PREX2: variants seen among roughly 807,000 people sequenced by gnomAD.
PREX2 encodes phosphatidylinositol 3,4,5-trisphosphate-dependent Rac exchanger 2 protein.
In PREX2, 107 loss-of-function variants were observed where a neutral mutation model predicts 203.2. That is an observed-to-expected ratio of 0.53 (90% CI 0.45 to 0.62). The LOEUF (loss-of-function observed/expected upper bound fraction) is 0.62. Ranked by LOEUF, PREX2 falls within the 20% of genes least tolerant of loss-of-function variation. PREX2 has a pLI of 0.00. For synonymous variants in PREX2, 672 were observed against 663.6 expected (o/e 1.01, Z -0.19); for missense variants, 1,777 against 1,955.9 (o/e 0.91, Z 1.72).
Position 68,223,884 on chromosome 8 carries a change from C to T in PREX2, c.4708-675C>T, listed in dbSNP as rs541399363. ...AAATACTAGTAAACTTAATGATTCACGTAAGAGAAAAACAAGTGCACAGGT... is the reference window on the plus strand; with the variant it reads ...AAATACTAGTAAACTTAATGATTCATGTAAGAGAAAAACAAGTGCACAGGT... On this transcript the variant is annotated intron_variant, in intron 38 of 39. Transcript: ENST00000288368. Among the ~76,000 whole-genome samples the T allele has an allele frequency of 3.9e-5, 6 of 152,170 alleles. No individual in the cohort carries two copies. The South Asian group carries it at 1.0e-3, about 26-fold the overall frequency.
At chr8:68,025,544 A>G (rs950351849) in intron 4 of PREX2, among the ~76,000 whole-genome samples, 1 of 151,882 alleles carries the variant, frequency 6.6e-6, no homozygotes, top group African/African-American at 2.4e-5. Context: ...TTAATTTTTC[A>G]TCAAATCTGG....
chr8:68,007,963 G>A (rs1019399057), intron 1 of PREX2, among the ~76,000 whole-genome samples: 2 of 152,154 alleles, frequency 1.3e-5, no homozygotes, highest in African/African-American at 4.8e-5. Context: ...GTCTATAGGA[G>A]TAGATACCAT....
intron 1 of PREX2, among the ~76,000 whole-genome samples, chr8:68,012,235 A>C (rs1363476660): frequency 6.6e-6 from 1 of 152,174 alleles, no homozygotes; most frequent in Non-Finnish European, 1.5e-5. Flanking sequence ...ACAATGTGGT[A>C]ATTATCGTCA....
At chr8:68,103,579 G>A (rs766217513) in intron 23 of PREX2, 2 of 519,010 alleles carry the variant, frequency 3.9e-6, no homozygotes, top group Non-Finnish European at 7.7e-6. Context: ...GGAAAAGGCT[G>A]TCTATACCTG....
chr8:68,019,899 G>C (rs556268330), intron 3 of PREX2, among the ~76,000 whole-genome samples: 3 of 152,304 alleles, frequency 2.0e-5, no homozygotes, highest in African/African-American at 7.2e-5. Flanking sequence ...TCCCCGACAA[G>C]TTAGTTCTTC....
intron 30 of PREX2, among the ~76,000 whole-genome samples, chr8:68,122,660 C>A (rs1810800534): frequency 6.6e-6 from 1 of 151,902 alleles, no homozygotes; most frequent in South Asian, 2.1e-4. Flanking sequence ...ATCATCTCCC[C>A]CACTTTTTTG....
chr8:68,220,196 A>G (rs1812928096), intron 38 of PREX2: 1 of 151,974 alleles, frequency 6.6e-6, no homozygotes, highest in Non-Finnish European at 1.5e-5. Flanking sequence ...TATACTTTTC[A>G]TACAGTTGTT....
chr8:68,150,815 A>G (rs911902424), intron 34 of PREX2, among the ~76,000 whole-genome samples: 12 of 152,210 alleles, frequency 7.9e-5, no homozygotes, highest in African/African-American at 2.7e-4. Flanking sequence ...TTAAAACAAC[A>G]GAAATGTATT....
At chr8:68,041,201 G>T (rs1050535451) in intron 7 of PREX2, among the ~76,000 whole-genome samples, 2 of 152,098 alleles carry the variant, frequency 1.3e-5, no homozygotes, top group Non-Finnish European at 2.9e-5. Flanking sequence ...TTTATTCCAG[G>T]TTCAGCATTT....
At chr8:68,006,351 T>C (rs1390509816) in intron 1 of PREX2, among the ~76,000 whole-genome samples, 1 of 152,266 alleles carries the variant, frequency 6.6e-6, no homozygotes, top group African/African-American at 2.4e-5. Flanking sequence ...AATTAGATTC[T>C]ATCCTCAGTC....
At chr8:68,127,988 A>G (rs183900809) in intron 31 of PREX2, among the ~76,000 whole-genome samples, 1 of 152,306 alleles carries the variant, frequency 6.6e-6, no homozygotes, top group East Asian at 1.9e-4. Flanking sequence ...GCATATAGAT[A>G]TTCAACAAAT....
At chr8:67,980,389 G>A (rs937188965) in intron 1 of PREX2, among the ~76,000 whole-genome samples, 4 of 141,518 alleles carry the variant, frequency 2.8e-5, no homozygotes, top group African/African-American at 9.7e-5. Context: ...GTAGACTTTT[G>A]AGCAGCACAA....
chr8:68,102,300 T>C (rs1218985690), intron 23 of PREX2, among the ~76,000 whole-genome samples: 5 of 152,322 alleles, frequency 3.3e-5, no homozygotes, highest in African/African-American at 1.2e-4. Flanking sequence ...TTTAATTTAA[T>C]TTAGAAATAA....
At chr8:68,090,808 T>C in intron 20 of PREX2, 93 bp downstream of exon 20, 2 of 1,079,832 alleles carry the variant, frequency 1.9e-6, no homozygotes, top group Admixed American at 5.2e-5. Flanking sequence ...TATTTGTGGT[T>C]TCCAATTTTA....
intron 19 of PREX2, among the ~76,000 whole-genome samples, chr8:68,088,227 G>A (rs11782958): frequency 0.22 from 33,785 of 152,070 alleles, 4,463 homozygotes; most frequent in Middle Eastern, 0.34. Context: ...TTTATAAACC[G>A]TGGTTAAATC....
At chr8:68,138,764 A>G (rs1811162779) in intron 33 of PREX2, among the ~76,000 whole-genome samples, 1 of 152,154 alleles carries the variant, frequency 6.6e-6, no homozygotes. Flanking sequence ...ATTATCTACT[A>G]TTTCCACATT....
chr8:68,177,947 T>C (rs946798053), intron 35 of PREX2, among the ~76,000 whole-genome samples: 1 of 152,152 alleles, frequency 6.6e-6, no homozygotes, highest in Non-Finnish European at 1.5e-5. Flanking sequence ...CCGTCATCCA[T>C]GTCCCTGCAA....
intron 39 of PREX2, among the ~76,000 whole-genome samples, chr8:68,230,628 C>G (rs1813150093): frequency 6.6e-6 from 1 of 152,106 alleles, no homozygotes; most frequent in Non-Finnish European, 1.5e-5. Context: ...GTAGTTAAAC[C>G]CCCTGAGTTT....
At chr8:68,209,513 C>A (rs1413099196) in intron 37 of PREX2, among the ~76,000 whole-genome samples, 1 of 152,114 alleles carries the variant, frequency 6.6e-6, no homozygotes, top group Non-Finnish European at 1.5e-5. Context: ...CTCAGACTGT[C>A]CTTATATACA....
Sources: gnomAD v4.1 joint callset for allele counts (sites outside exome capture counted in the v4.1 genomes callset) on GRCh38, gnomAD v4.1.1 for gene constraint, MANE v1.5 for transcripts, NCBI Gene and HGNC (gene_info 2026-07-23, HGNC 2026-07-21) for gene names.